The following SEL1L2 variants were observed in gnomAD, a reference collection of about 807,000 sequenced individuals.
SEL1L2 encodes SEL1L2 adaptor subunit of SYVN1 ubiquitin ligase.
SEL1L2 carries 89 observed loss-of-function variants against 98.8 expected under a neutral mutation model. That is an observed-to-expected ratio of 0.90 (90% CI 0.76 to 1.07). The LOEUF (loss-of-function observed/expected upper bound fraction) is 1.07, where lower values mean the gene tolerates loss of function less well. Among genes scored for constraint, SEL1L2 ranks in the 50% least tolerant of loss-of-function variants. The pLI, the probability that SEL1L2 is intolerant of heterozygous loss-of-function variation, is 0.00. For missense variants in SEL1L2, 788 were observed against 812.0 expected, an observed-to-expected ratio of 0.97 and a Z score of 0.36; for synonymous variants, 262 against 278.5, an observed-to-expected ratio of 0.94 and a Z score of 0.59.
intron 1 of SEL1L2, among the ~76,000 whole-genome samples, chr20:13,985,503 C>T (rs2052118490): frequency 6.6e-6 from 1 of 152,192 alleles, no homozygotes; most frequent in Admixed American, 6.5e-5. Flanking sequence ...ACCTCTCCCT[C>T]ATTCTGTGCC....
intron 1 of SEL1L2, among the ~76,000 whole-genome samples, chr20:13,984,733 T>C (rs2052069080): frequency 6.6e-6 from 1 of 152,054 alleles, no homozygotes; most frequent in African/African-American, 2.4e-5. Context: ...TTTTCTTTCT[T>C]TTTTGCTAAA....
chr20:13,888,094 C>G (rs2148000067), intron 6 of SEL1L2, 93 bp from the exon 7 acceptor site: 1 of 1,062,094 alleles, frequency 9.4e-7, no homozygotes, highest in East Asian at 2.4e-5. Flanking sequence ...TTATTCCTAG[C>G]TCCATAATGA....
intron 2 of SEL1L2, among the ~76,000 whole-genome samples, chr20:13,944,917 T>C (rs571300831): frequency 3.3e-5 from 5 of 152,312 alleles, no homozygotes; most frequent in Non-Finnish European, 5.9e-5. Context: ...AATAATAAAT[T>C]TGACTAGGGA....
intron 2 of SEL1L2, among the ~76,000 whole-genome samples, chr20:13,944,302 C>G (rs1535190): frequency 0.9 from 137,134 of 152,246 alleles, 61,942 homozygotes; most frequent in East Asian, 1. Context: ...AAGTGTAATG[C>G]AATACATACC....
At chr20:13,928,584 T>C (rs1334645109) in intron 3 of SEL1L2, among the ~76,000 whole-genome samples, 2 of 152,196 alleles carry the variant, frequency 1.3e-5, no homozygotes, top group Admixed American at 1.3e-4. Flanking sequence ...ATTTCTGGTG[T>C]ATTACTGCGG....
intron 5 of SEL1L2, among the ~76,000 whole-genome samples, chr20:13,897,637 C>T (rs538470343): frequency 6.6e-6 from 1 of 152,046 alleles, no homozygotes; most frequent in African/African-American, 2.4e-5. Context: ...AAATGGCCAA[C>T]AGGTATATGA....
chr20:13,849,872 A>G (rs911751417), intron 19 of SEL1L2: 4 of 548,576 alleles, frequency 7.3e-6, no homozygotes, highest in African/African-American at 1.9e-5. Flanking sequence ...CCGTCTGCCT[A>G]CCAGTCTCGG....
intron 1 of SEL1L2, among the ~76,000 whole-genome samples, chr20:13,971,666 C>T (rs1418958180): frequency 6.6e-6 from 1 of 151,612 alleles, no homozygotes; most frequent in African/African-American, 2.4e-5. Flanking sequence ...AACTCCTGAG[C>T]GCAGGTGATC....
At position 13,990,517 on chromosome 20, in the gene SEL1L2, C is replaced by T; in HGVS notation, c.18G>A (p.Leu6=). The part of the protein sequence containing the change: MKPLS[L]LIEILIILGV... ...CAAGAATTATCAATATCTCTATTAA[C>T]AGAGACAAGGGCTTCATCTTCTCTT... The change falls in exon 1 of 20, where the codon CTG becomes CTA. Residue 6 remains leucine (L), a synonymous_variant. Transcript: ENST00000284951. 6.2e-7 allele frequency: 1 copy of T among 1,612,746 alleles called. No individual in the cohort carries two copies. Among genetic ancestry groups the T allele is most frequent in the Non-Finnish European group, 8.5e-7 (1 of 1,179,048 alleles).
intron 1 of SEL1L2, among the ~76,000 whole-genome samples, chr20:13,974,475 CTTTTTTT>C (rs11484437): frequency 1.2e-5 from 1 of 80,180 alleles, no homozygotes; most frequent in Non-Finnish European, 2.2e-5. Context: ...CTCTCTCTCT[CTTTTTTT>C]TTTTTTTTTT....
At chr20:13,937,386 A>G (rs1407371860) in intron 2 of SEL1L2, among the ~76,000 whole-genome samples, 3 of 152,186 alleles carry the variant, frequency 2.0e-5, no homozygotes, top group African/African-American at 7.2e-5. Flanking sequence ...AAGTGGGTGG[A>G]GCCAGGAGGA....
chr20:13,985,365 T>C (rs1000820933), intron 1 of SEL1L2, among the ~76,000 whole-genome samples: 1 of 152,176 alleles, frequency 6.6e-6, no homozygotes, highest in African/African-American at 2.4e-5. Flanking sequence ...CTTTGGTCCT[T>C]TTTTCTGGCC....
rs1399140632 is a variant in SEL1L2, at chr20:13,949,702, C to CA, written c.114+6373dup. ...AAAACAAACAACAAAAAAAACCAAA[C>CA]AAACAAAAAAGAACAAGTGCTGGAG... On this transcript the variant is annotated intron_variant, in intron 2 of 19. Coordinates refer to ENST00000284951, the MANE Select transcript of SEL1L2 (RefSeq NM_025229.2). Among the ~76,000 whole-genome samples, 456 of 124,444 alleles carry CA rather than the reference C, an allele frequency of 3.7e-3. 2 individuals are homozygous for CA. The highest frequency in any genetic ancestry group is 0.016 in the South Asian group (61 of 3,924). The allele number at this position is 124,444 out of a possible 152,430, so 81.6% of individuals were successfully genotyped here.
chr20:13,854,221 C>A (rs1411799887), intron 18 of SEL1L2, among the ~76,000 whole-genome samples: 1 of 152,166 alleles, frequency 6.6e-6, no homozygotes, highest in Non-Finnish European at 1.5e-5. Context: ...GTTTTCTCTG[C>A]AGAATCCAAA....
At chr20:13,912,627 A>C (rs1268458995) in intron 5 of SEL1L2, among the ~76,000 whole-genome samples, 2 of 152,118 alleles carry the variant, frequency 1.3e-5, no homozygotes, top group Non-Finnish European at 2.9e-5. Flanking sequence ...CTTACAGCAG[A>C]GTTCATACAT....
At position 13,887,845 on chromosome 20, in the gene SEL1L2, G is replaced by A; in HGVS notation, c.669C>T (p.Tyr223=). The stretch of plus-strand genomic sequence containing the variant: ...GAACATTGATTCCCGACAAATATCT[G>A]TACCCCTAAAACACAGACAGATGCA... ...GNMMSQMILG[Y]RYLSGINVLQ... Residue 223 remains tyrosine (Y), a synonymous_variant, in exon 8 of 20, where the codon TAC becomes TAT. Coordinates refer to ENST00000284951, the MANE Select transcript of SEL1L2 (RefSeq NM_025229.2). 2 of 1,612,916 alleles carry A rather than the reference G, an allele frequency of 1.2e-6. No homozygotes were observed. Among genetic ancestry groups the A allele is most frequent in the South Asian group, 1.1e-5 (1 of 90,978 alleles).
intron 2 of SEL1L2, 107 bp downstream of exon 2, chr20:13,955,969 T>TAA: frequency 1.4e-5 from 8 of 589,588 alleles, no homozygotes; most frequent in African/African-American, 2.0e-5. Flanking sequence ...GATTGAGAAT[T>TAA]AAAAAAAAAA....
chr20:13,918,679 C>A (rs1003713959), intron 4 of SEL1L2, among the ~76,000 whole-genome samples: 2 of 152,196 alleles, frequency 1.3e-5, no homozygotes, highest in Admixed American at 6.5e-5. Context: ...ATTTTTAATA[C>A]AACAACTTGC....
rs1987958493 is a variant in SEL1L2, at chr20:13,850,007, G to A, written c.1947+184C>T. 1.8e-5 allele frequency: 11 copies of A among 625,842 alleles called. No homozygotes were observed. In the South Asian group the frequency reaches 2.2e-4, roughly 12 times the overall value. The allele number at this position is 625,842 out of a possible 1,614,324, so 38.8% of individuals were successfully genotyped here. ...ATGAATTAATTGCTTATACTCTGAA[G>A]TGTCAACACATACTCAATAGAACAT... On this transcript the variant is annotated intron_variant, in intron 19 of 19. Coordinates refer to ENST00000284951, the MANE Select transcript of SEL1L2 (RefSeq NM_025229.2).
Sources: gnomAD v4.1 joint callset for allele counts (sites outside exome capture counted in the v4.1 genomes callset) on GRCh38, gnomAD v4.1.1 for gene constraint, MANE v1.5 for transcripts, NCBI Gene and HGNC (gene_info 2026-07-23, HGNC 2026-07-21) for gene names.